HDAC1: variants seen among roughly 807,000 people sequenced by gnomAD.
The protein encoded by HDAC1 is histone deacetylase 1.
Under a neutral mutation model 65.5 loss-of-function variants are expected in HDAC1, and 18 were observed. That is an observed-to-expected ratio of 0.27 (90% CI 0.19 to 0.41). HDAC1 has a LOEUF of 0.41. Ranked by LOEUF, HDAC1 falls within the 10% of genes least tolerant of loss-of-function variation. HDAC1 has a pLI of 1.00. For synonymous variants in HDAC1, 211 were observed against 227.9 expected, an observed-to-expected ratio of 0.93 and a Z score of 0.67; for missense variants, 373 against 625.2, an observed-to-expected ratio of 0.60 and a Z score of 4.30.
At chr1:32,328,707 C>G (rs774316299) in intron 6 of HDAC1, among the ~76,000 whole-genome samples, 6 of 152,312 alleles carry the variant, frequency 3.9e-5, no homozygotes, top group Non-Finnish European at 8.8e-5. Context: ...CATTAGAGCT[C>G]TCTGGAGTGG....
intron 1 of HDAC1, among the ~76,000 whole-genome samples, chr1:32,299,433 AC>A (rs1640815712): frequency 6.6e-6 from 1 of 152,072 alleles, no homozygotes; most frequent in Non-Finnish European, 1.5e-5. Context: ...ACAAAAAAAA[AC>A]ATAAAAAGAA....
At chr1:32,295,821 G>C (rs1200728731) in intron 1 of HDAC1, among the ~76,000 whole-genome samples, 1 of 152,164 alleles carries the variant, frequency 6.6e-6, no homozygotes, top group Non-Finnish European at 1.5e-5. Flanking sequence ...ATGTTGTCCA[G>C]GCTGGCCTTG....
rs980488427 is a variant in HDAC1, at chr1:32,324,289, A to T, written c.281-190A>T. Among the ~76,000 whole-genome samples, 8 of 152,156 alleles carry T rather than the reference A, an allele frequency of 5.3e-5. No homozygotes were observed. In the East Asian group the frequency reaches 1.5e-3, roughly 29 times the overall value. On this transcript the variant is annotated intron_variant, in intron 3 of 13. Transcript: ENST00000373548. The stretch of plus-strand genomic sequence containing the variant: ...ACAGAGCAAGCCCCTGGCTCTAAAA[A>T]ATAAAAAAATAATAATGGGCTAAAG...
At chr1:32,301,043 AAGAG>A (rs1004528184) in intron 1 of HDAC1, among the ~76,000 whole-genome samples, 5 of 151,804 alleles carry the variant, frequency 3.3e-5, no homozygotes, top group Non-Finnish European at 5.9e-5. Context: ...GTCTAGAGCA[AAGAG>A]AGAGAGAGAG....
At chr1:32,302,805 A>C in intron 2 of HDAC1, 72 bp downstream of exon 2, 6 of 762,966 alleles carry the variant, frequency 7.9e-6, no homozygotes, top group Non-Finnish European at 1.5e-5. Context: ...TCATTATCTC[A>C]TTTTCTCCAC....
chr1:32,303,301 C>CA (rs980656011), intron 2 of HDAC1, among the ~76,000 whole-genome samples: 1 of 151,590 alleles, frequency 6.6e-6, no homozygotes, highest in African/African-American at 2.4e-5. Flanking sequence ...CTCATCTCTA[C>CA]AAAAAATTAG....
chr1:32,325,300 C>T (rs942066469), intron 4 of HDAC1, among the ~76,000 whole-genome samples: 11 of 152,302 alleles, frequency 7.2e-5, no homozygotes, highest in Admixed American at 4.6e-4. Context: ...TTACTCTAAA[C>T]GCTTTCTTAA....
chr1:32,316,249 A>G (rs867436922), intron 2 of HDAC1, among the ~76,000 whole-genome samples: 7 of 150,940 alleles, frequency 4.6e-5, no homozygotes, highest in African/African-American at 1.5e-4. Context: ...GCGCCACTGC[A>G]CTCTAGCCTG....
intron 1 of HDAC1, among the ~76,000 whole-genome samples, chr1:32,293,376 T>A (rs1640724832): frequency 6.6e-6 from 1 of 151,040 alleles, no homozygotes; most frequent in Non-Finnish European, 1.5e-5. Flanking sequence ...GGGCTGGGCA[T>A]GCTGTCCCAA....
At chr1:32,297,625 G>T (rs528373479) in intron 1 of HDAC1, among the ~76,000 whole-genome samples, 1 of 151,124 alleles carries the variant, frequency 6.6e-6, no homozygotes, top group Non-Finnish European at 1.5e-5. Context: ...CTTTTTTTGC[G>T]GGGGGGACGG....
intron 2 of HDAC1, among the ~76,000 whole-genome samples, chr1:32,304,208 C>G (rs142498311): frequency 1.1e-4 from 17 of 152,178 alleles, no homozygotes; most frequent in African/African-American, 4.1e-4. Context: ...TGTCACCATT[C>G]CAGAGACTGA....
chr1:32,327,730 T>A lies in HDAC1; in HGVS notation c.636+53T>A, dbSNP rs757040668. On this transcript the variant is annotated intron_variant, in intron 6 of 13. Transcript: ENST00000373548. The surrounding 1 kb of genome is among the most constrained non-coding windows in gnomAD (Gnocchi z 6.0). ...GCTTACCCTCAGCTGGCAGCTCTAC[T>A]TCTCTCTCCTATCTCATGCCACTAA... The A allele has an allele frequency of 1.8e-5, 28 of 1,557,510 alleles. No homozygotes were observed. The highest frequency in any genetic ancestry group is 2.5e-5 in the Non-Finnish European group (28 of 1,129,276).
intron 3 of HDAC1, among the ~76,000 whole-genome samples, chr1:32,319,119 A>C (rs1430017130): frequency 2.0e-5 from 3 of 148,188 alleles, no homozygotes; most frequent in Admixed American, 6.7e-5. Context: ...ACTCCGTCTC[A>C]AAAAAAAAAA....
intron 1 of HDAC1, among the ~76,000 whole-genome samples, chr1:32,300,706 TTCAGG>T (rs1272652206): frequency 6.6e-6 from 1 of 152,142 alleles, no homozygotes; most frequent in Non-Finnish European, 1.5e-5. Context: ...AGGAGGACAT[TTCAGG>T]TCAAAGGAAT....
intron 3 of HDAC1, among the ~76,000 whole-genome samples, chr1:32,321,747 G>A (rs1027454715): frequency 1.3e-5 from 2 of 150,860 alleles, no homozygotes; most frequent in East Asian, 3.9e-4. Context: ...TTTTTCTCAC[G>A]TCCAAAACAC....
In HDAC1 at chr1:32,329,195, A is replaced by T. The variant is rs1641258836; in HGVS notation, c.729+35A>T. ...TTTATCCACCCCTTGGGCTACAAACAGGGGATTGGTTGGCGGTGGAGGGGA... is the reference window on the plus strand; with the variant it reads ...TTTATCCACCCCTTGGGCTACAAACTGGGGATTGGTTGGCGGTGGAGGGGA... On this transcript the variant is annotated intron_variant, in intron 7 of 13. Coordinates refer to ENST00000373548, the MANE Select transcript of HDAC1 (RefSeq NM_004964.3). The surrounding 1 kb of genome is among the most constrained non-coding windows in gnomAD (Gnocchi z 4.1). The T allele has an allele frequency of 7.6e-7, 1 of 1,312,370 alleles. No homozygotes were observed. The highest frequency in any genetic ancestry group is 1.1e-6 in the Non-Finnish European group (1 of 904,540). 81.3% of individuals were successfully genotyped at this position (1,312,370 alleles called of 1,614,324 possible).
At position 32,329,447 on chromosome 1, in the gene HDAC1, T is replaced by A; in HGVS notation, c.729+287T>A. Reference sequence around the variant, plus strand: ...AGGCAGGCACATACCCAGTAGTCTATGATTAGTACTGTTTTTGTATCTCCA... The same window carrying A: ...AGGCAGGCACATACCCAGTAGTCTAAGATTAGTACTGTTTTTGTATCTCCA... On this transcript the variant is annotated intron_variant, in intron 7 of 13. Transcript: ENST00000373548. The surrounding 1 kb of genome is among the most constrained non-coding windows in gnomAD (Gnocchi z 4.1). The A allele has an allele frequency of 1.9e-6, 1 of 526,094 alleles. No homozygotes were observed. Among genetic ancestry groups the A allele is most frequent in the Non-Finnish European group, 3.4e-6 (1 of 291,130 alleles). 32.6% of individuals were successfully genotyped at this position (526,094 alleles called of 1,614,324 possible). A position where few individuals can be genotyped will look rare whatever the true frequency, so the allele number is the denominator to read the frequency against.
intron 2 of HDAC1, among the ~76,000 whole-genome samples, chr1:32,311,825 A>G (rs1229472686): frequency 6.6e-6 from 1 of 152,160 alleles, no homozygotes; most frequent in Non-Finnish European, 1.5e-5. Context: ...GAGCAGACTG[A>G]GAAGCTATTT....
At chr1:32,296,018 G>A (rs1569998099) in intron 1 of HDAC1, among the ~76,000 whole-genome samples, 1 of 152,120 alleles carries the variant, frequency 6.6e-6, no homozygotes, top group South Asian at 2.1e-4. Flanking sequence ...CTCATGCTGT[G>A]TACTCCCCCG....
Sources: gnomAD v4.1 joint callset for allele counts (sites outside exome capture counted in the v4.1 genomes callset) on GRCh38, gnomAD v4.1.1 for gene constraint, Gnocchi (gnomAD v3.1) non-coding constraint, MANE v1.5 for transcripts, NCBI Gene and HGNC (gene_info 2026-07-23, HGNC 2026-07-21) for gene names.